Variants in HTR4 observed in about 807,000 individuals in gnomAD.
HTR4 encodes 5-hydroxytryptamine (serotonin) receptor 4, G protein-coupled.
HTR4 carries 16 observed loss-of-function variants against 36.8 expected under a neutral mutation model. The observed-to-expected ratio is 0.43, with a 90% confidence interval of 0.29 to 0.66. HTR4 has a LOEUF of 0.66. Ranked by LOEUF, HTR4 falls within the 30% of genes least tolerant of loss-of-function variation. The pLI is 0.13. For synonymous variants in HTR4, 189 were observed against 185.1 expected (o/e 1.02, Z -0.17); for missense variants, 438 against 490.9 (o/e 0.89, Z 1.02).
At chr5:148,524,040 C>T (rs932306967) in intron 4 of HTR4, among the ~76,000 whole-genome samples, 1 of 152,016 alleles carries the variant, frequency 6.6e-6, no homozygotes, top group Admixed American at 6.6e-5. Context: ...TCCATCCCCC[C>T]ATCCCTGCCA....
chr5:148,553,313 G>T (rs1055467006), intron 2 of HTR4, among the ~76,000 whole-genome samples: 1 of 152,170 alleles, frequency 6.6e-6, no homozygotes, highest in Non-Finnish European at 1.5e-5. Flanking sequence ...CAATGATAAG[G>T]TTATCACAGG....
intron 6 of HTR4, among the ~76,000 whole-genome samples, chr5:148,501,281 A>G (rs1016494396): frequency 2.0e-5 from 3 of 152,236 alleles, no homozygotes; most frequent in African/African-American, 7.2e-5. Flanking sequence ...TCCCATTTAC[A>G]TAGAGTGAGA....
At chr5:148,542,970 C>T (rs910072195) in intron 4 of HTR4, among the ~76,000 whole-genome samples, 2 of 152,174 alleles carry the variant, frequency 1.3e-5, no homozygotes, top group African/African-American at 4.8e-5. Context: ...GTCATGGTGC[C>T]TGACCTCTGC....
Position 148,558,070 on chromosome 5 carries a change from A to G in HTR4, c.27-7808T>C, listed in dbSNP as rs75683652. ...ACAGCACATCCACAAAAGATCCCAT[A>G]CTCCCTATCTAAGTATTTTTTTCAC... On this transcript the variant is annotated intron_variant, in intron 2 of 6. Transcript: ENST00000377888. 7.5e-3 allele frequency among the ~76,000 whole-genome samples: 1,139 copies of G among 151,478 alleles called. 16 individuals carry two copies. The highest frequency in any genetic ancestry group is 0.026 in the African/African-American group (1,083 of 41,254).
chr5:148,495,858 C>A (rs1414067173), intron 6 of HTR4, among the ~76,000 whole-genome samples: 1 of 152,008 alleles, frequency 6.6e-6, no homozygotes. Flanking sequence ...ATCCCAGCAC[C>A]TTGGGAGGCT....
intron 2 of HTR4, among the ~76,000 whole-genome samples, chr5:148,631,810 G>A (rs1753333459): frequency 6.6e-6 from 1 of 152,098 alleles, no homozygotes; most frequent in Non-Finnish European, 1.5e-5. Context: ...TAATTAATTT[G>A]AAGCCAACTA....
intron 4 of HTR4, among the ~76,000 whole-genome samples, chr5:148,536,300 C>A (rs2113822792): frequency 6.6e-6 from 1 of 152,038 alleles, no homozygotes; most frequent in African/African-American, 2.4e-5. Flanking sequence ...ATACACAGAC[C>A]AATGATATAT....
intron 2 of HTR4, among the ~76,000 whole-genome samples, chr5:148,575,061 G>T (rs1479778245): frequency 6.6e-6 from 1 of 151,946 alleles, no homozygotes; most frequent in African/African-American, 2.4e-5. Flanking sequence ...TTCCTCACTG[G>T]TCCAGTTGAG....
intron 2 of HTR4, among the ~76,000 whole-genome samples, chr5:148,575,596 T>A (rs1760863778): frequency 6.6e-6 from 1 of 151,986 alleles, no homozygotes; most frequent in African/African-American, 2.4e-5. Flanking sequence ...AACTCACACA[T>A]GTACCCAAGA....
rs1417900684 is a variant in HTR4, at chr5:148,538,628, GC to G, written c.353+10039del. Among the ~76,000 whole-genome samples, 15 of 152,106 alleles carry G rather than the reference GC, an allele frequency of 9.9e-5. 1 individual carries two copies. Among genetic ancestry groups the G allele is most frequent in the African/African-American group, 3.6e-4 (15 of 41,492 alleles). ...CAGGAAGGCAATCCCATTCACAACT[GC>G]CGCAAAAAGAATAAAATGCCAGGAA... On this transcript the variant is annotated intron_variant, in intron 4 of 6. Coordinates refer to ENST00000377888, the MANE Select transcript of HTR4 (RefSeq NM_000870.7).
chr5:148,524,624 AG>A (rs1758176103), intron 4 of HTR4, among the ~76,000 whole-genome samples: 1 of 152,150 alleles, frequency 6.6e-6, no homozygotes, highest in Non-Finnish European at 1.5e-5. Flanking sequence ...ATTTCACAAC[AG>A]GCAGAATGCT....
At chr5:148,457,176 C>T (rs1755120476) in intron 5 of HTR4, among the ~76,000 whole-genome samples, 1 of 151,930 alleles carries the variant, frequency 6.6e-6, no homozygotes, top group South Asian at 2.1e-4. Context: ...CAAAAGTCTC[C>T]CTGTTCCATT....
intron 2 of HTR4, among the ~76,000 whole-genome samples, chr5:148,564,641 A>C (rs1760359112): frequency 6.6e-6 from 1 of 152,190 alleles, no homozygotes; most frequent in Non-Finnish European, 1.5e-5. Context: ...CATTTGGGCC[A>C]CCAATCCTCG....
At chr5:148,521,648 C>A (rs185095027) in intron 5 of HTR4, among the ~76,000 whole-genome samples, 3 of 152,156 alleles carry the variant, frequency 2.0e-5, no homozygotes. Context: ...TCTCTCTACA[C>A]AAACACACAC....
chr5:148,463,155 CTTTT>C lies in HTR4; in HGVS notation c.1077-11887_1077-11884del, dbSNP rs1175722648. On this transcript the variant is annotated intron_variant, in intron 5 of 5. Coordinates refer to the HTR4 transcript ENST00000521530. ...TTTTGCTTTGCTTTGCTTTTCATTT[CTTTT>C]TTTTTCTTTTTTTTTTTTTTTTTTT... is the stretch of plus-strand genomic sequence containing the variant. 4.8e-5 allele frequency among the ~76,000 whole-genome samples: 4 copies of C among 82,550 alleles called. No homozygotes were observed. The South Asian group carries it at 1.2e-3, about 25-fold the overall frequency. The allele number at this position is 82,550 out of a possible 152,430, so 54.2% of individuals were successfully genotyped here. A position where few individuals can be genotyped will look rare whatever the true frequency, so the allele number is the denominator to read the frequency against.
intron 2 of HTR4, among the ~76,000 whole-genome samples, chr5:148,591,229 T>C (rs1761556295): frequency 6.6e-6 from 1 of 152,226 alleles, no homozygotes; most frequent in Non-Finnish European, 1.5e-5. Flanking sequence ...TTGGTTACTG[T>C]AGCCTTGTAG....
At chr5:148,519,021 C>A (rs1757888321) in intron 5 of HTR4, among the ~76,000 whole-genome samples, 1 of 151,954 alleles carries the variant, frequency 6.6e-6, no homozygotes, top group Non-Finnish European at 1.5e-5. Flanking sequence ...ATTTTTTTTA[C>A]CATTAATTTC....
intron 2 of HTR4, among the ~76,000 whole-genome samples, chr5:148,572,503 A>G (rs537443799): frequency 6.6e-6 from 1 of 152,238 alleles, no homozygotes; most frequent in Admixed American, 6.5e-5. Context: ...AGTAAAATAC[A>G]TAATATGGAA....
intron 2 of HTR4, among the ~76,000 whole-genome samples, chr5:148,626,603 A>G (rs554914053): frequency 6.4e-4 from 98 of 152,366 alleles, no homozygotes; most frequent in Middle Eastern, 3.4e-3. Flanking sequence ...AGTTCAGATC[A>G]GAAAGGTGAC....
Sources: gnomAD v4.1 joint callset for allele counts (sites outside exome capture counted in the v4.1 genomes callset) on GRCh38, gnomAD v4.1.1 for gene constraint, MANE v1.5 for transcripts, NCBI Gene and HGNC (gene_info 2026-07-23, HGNC 2026-07-21) for gene names.